The following BANK1 variants were observed in gnomAD, a reference collection of about 807,000 sequenced individuals.
BANK1 encodes the protein B cell scaffold protein with ankyrin repeats 1.
A neutral mutation model predicts 94.5 loss-of-function variants in BANK1; 95 were observed. The observed-to-expected ratio is 1.00, with a 90% CI of 0.85 to 1.19. The LOEUF (loss-of-function observed/expected upper bound fraction) is 1.19, where lower values mean the gene tolerates loss of function less well. BANK1 is among the 50% of genes most tolerant of loss of function. The probability of loss-of-function intolerance (pLI) is 0.00; values close to 1 mark genes in which losing one functional copy is unlikely to be tolerated. For synonymous variants in BANK1, 334 were observed against 308.4 expected (o/e 1.08, Z -0.87); for missense variants, 987 against 932.2 (o/e 1.06, Z -0.77).
chr4:101,912,578 T>C (rs184052960), intron 6 of BANK1, among the ~76,000 whole-genome samples: 8 of 148,500 alleles, frequency 5.4e-5, no homozygotes, highest in African/African-American at 2.0e-4. Context: ...ATATATAAAA[T>C]ATGTATTGAA....
At chr4:101,952,796 T>C (rs1014245967) in intron 7 of BANK1, among the ~76,000 whole-genome samples, 1 of 152,110 alleles carries the variant, frequency 6.6e-6, no homozygotes, top group South Asian at 2.1e-4. Flanking sequence ...AATGGCAAAG[T>C]AGATTTTCAA....
intron 7 of BANK1, among the ~76,000 whole-genome samples, chr4:101,944,942 A>G (rs1723880777): frequency 6.6e-6 from 1 of 152,004 alleles, no homozygotes; most frequent in Non-Finnish European, 1.5e-5. Context: ...TGTGTGCGGA[A>G]AATAAAAGCA....
intron 7 of BANK1, among the ~76,000 whole-genome samples, chr4:101,957,486 C>T (rs1171790083): frequency 2.6e-5 from 4 of 152,270 alleles, no homozygotes; most frequent in South Asian, 2.1e-4. Context: ...ATTGAGTTCT[C>T]GTCTATGAGT....
chr4:101,791,060 G>A, intron 1 of BANK1, 110 bp downstream of exon 1: 5 of 885,694 alleles, frequency 5.6e-6, no homozygotes, highest in Non-Finnish European at 8.2e-6. Flanking sequence ...AGGCCAGGGC[G>A]TCCCTGAGAC....
Position 102,060,376 on chromosome 4 carries a change from A to T in BANK1, c.2135A>T (p.Glu712Val). Residue 712 changes from glutamate to valine, a missense_variant, in exon 12 of 17, where the codon GAA becomes GTA. Physicochemically the swap from Glu to Val is moderately radical, Grantham distance 121. Transcript: ENST00000322953. ...KHWQMGKSGL[E>V]MIQQEKLRQL... ...TGGCAGATGGGAAAAAGTGGCCTGG[A>T]AATGATTCAGCAGGTAATATTGGCC... is the stretch of plus-strand genomic sequence containing the variant. 2 of 1,608,546 alleles carry T rather than the reference A, an allele frequency of 1.2e-6. No homozygotes were observed. The highest frequency in any genetic ancestry group is 2.2e-5 in the South Asian group (2 of 89,940).
intron 7 of BANK1, among the ~76,000 whole-genome samples, chr4:101,974,673 C>T (rs537009998): frequency 6.6e-6 from 1 of 152,118 alleles, no homozygotes; most frequent in South Asian, 2.1e-4. Flanking sequence ...TCTACTCTAC[C>T]CTTTGTGATA....
chr4:101,994,183 A>G (rs1578442271), intron 7 of BANK1, among the ~76,000 whole-genome samples: 1 of 152,340 alleles, frequency 6.6e-6, no homozygotes, highest in South Asian at 2.1e-4. Context: ...AGAGACTTTA[A>G]CAAAAGGAAC....
chr4:101,815,036 G>A (rs1350988138), intron 1 of BANK1, among the ~76,000 whole-genome samples: 1 of 152,096 alleles, frequency 6.6e-6, no homozygotes, highest in Non-Finnish European at 1.5e-5. Context: ...TAAGAAATAT[G>A]ACAAAGAATA....
intron 7 of BANK1, among the ~76,000 whole-genome samples, chr4:101,956,563 A>G (rs942853020): frequency 6.6e-6 from 1 of 152,140 alleles, no homozygotes; most frequent in Non-Finnish European, 1.5e-5. Context: ...CACTGGTAAC[A>G]GATCTAGAAT....
At position 102,030,134 on chromosome 4, in the gene BANK1, T is replaced by C. The variant is rs1727241359; in HGVS notation, c.1769T>C (p.Met590Thr). Reference protein sequence around the residue: ...FAEIDDSEYDMILANLSIKKK... With the variant: ...FAEIDDSEYDTILANLSIKKK... ...GAGATTGATGACAGTGAATATGACA[T>C]GATATTGGCCAATCTGAGTATAAAG... Residue 590 changes from methionine to threonine, a missense_variant, in exon 10 of 17, where the codon ATG becomes ACG. Met to Thr is a moderately conservative substitution (Grantham distance 81). Coordinates refer to ENST00000322953, the MANE Select transcript of BANK1 (RefSeq NM_017935.5). 1 of 1,614,000 alleles carries C rather than the reference T, an allele frequency of 6.2e-7. No homozygotes were observed. Among genetic ancestry groups the C allele is most frequent in the Non-Finnish European group, 8.5e-7 (1 of 1,179,960 alleles).
chr4:101,816,474 G>T lies in BANK1; in HGVS notation c.71-13334G>T, dbSNP rs145425121. 4.6e-5 allele frequency among the ~76,000 whole-genome samples: 7 copies of T among 152,042 alleles called. No homozygotes were observed. In the East Asian group the frequency reaches 1.2e-3, roughly 25 times the overall value. ...CTGGAAGAATTTCCTTTCACCATGA[G>T]TGGGGCTGTGATGTAGCAACCATTC... On this transcript the variant is annotated intron_variant, in intron 1 of 16. Coordinates refer to ENST00000322953, the MANE Select transcript of BANK1 (RefSeq NM_017935.5).
chr4:102,011,663 G>A (rs1336539299), intron 7 of BANK1, among the ~76,000 whole-genome samples: 2 of 152,180 alleles, frequency 1.3e-5, no homozygotes, highest in African/African-American at 4.8e-5. Context: ...ACGTCCCGAT[G>A]TGGGGGGAAG....
intron 7 of BANK1, among the ~76,000 whole-genome samples, chr4:101,956,374 G>C (rs1453373000): frequency 6.6e-6 from 1 of 152,044 alleles, no homozygotes; most frequent in Admixed American, 6.6e-5. Context: ...CACTATGCAG[G>C]CAATTGTAAT....
At chr4:102,009,540 T>G (rs1273689976) in intron 7 of BANK1, among the ~76,000 whole-genome samples, 1 of 152,226 alleles carries the variant, frequency 6.6e-6, no homozygotes, top group Non-Finnish European at 1.5e-5. Flanking sequence ...ATTCTTGATT[T>G]ATAGTAATTG....
intron 6 of BANK1, among the ~76,000 whole-genome samples, chr4:101,911,783 A>G (rs904711044): frequency 1.3e-5 from 2 of 152,170 alleles, no homozygotes; most frequent in Non-Finnish European, 2.9e-5. Flanking sequence ...TAGCAGAATG[A>G]AAAATTGGCA....
chr4:101,830,692 A>G (rs1472277390), intron 2 of BANK1, among the ~76,000 whole-genome samples: 5 of 152,162 alleles, frequency 3.3e-5, no homozygotes, highest in Non-Finnish European at 7.3e-5. Flanking sequence ...AATTAATTAC[A>G]TTTCCATGTA....
chr4:101,809,666 T>A (rs146105304), intron 1 of BANK1, among the ~76,000 whole-genome samples: 405 of 152,348 alleles, frequency 2.7e-3, no homozygotes, highest in African/African-American at 9.2e-3. Context: ...TTCTAATGTG[T>A]TATTTGCTTT....
At chr4:101,939,593 C>T (rs1022595416) in intron 7 of BANK1, among the ~76,000 whole-genome samples, 5 of 151,594 alleles carry the variant, frequency 3.3e-5, no homozygotes, top group African/African-American at 1.2e-4. Context: ...TTTTAACTGC[C>T]TCTGCCCCAA....
In BANK1 at chr4:101,862,621, G is replaced by A. The variant is rs371674284; in HGVS notation, c.720G>A (p.Arg240=). The A allele has an allele frequency of 6.2e-6, 10 of 1,609,536 alleles. No homozygotes were observed. In the South Asian group the frequency reaches 1.0e-4, roughly 16 times the overall value. ...FTSSNKRIRT[R]PALWNKKVWC... is the part of the protein sequence containing the mutation. ...CAAGTAATAAGCGCATTAGAACACG[G>A]CCAGCCCTTTGGAATAAGAAAGTCT... The change falls in exon 4 of 17, where the codon CGG becomes CGA. Residue 240 remains arginine (R), a synonymous_variant. Coordinates refer to ENST00000322953, the MANE Select transcript of BANK1 (RefSeq NM_017935.5).
Sources: gnomAD v4.1 joint callset for allele counts (sites outside exome capture counted in the v4.1 genomes callset) on GRCh38, gnomAD v4.1.1 for gene constraint, MANE v1.5 for transcripts, NCBI Gene and HGNC (gene_info 2026-07-23, HGNC 2026-07-21) for gene names.